The following POLH variants were observed in gnomAD, a reference collection of about 807,000 sequenced individuals.
POLH encodes the protein DNA polymerase eta transcript.
POLH carries 53 observed loss-of-function variants against 73.6 expected under a neutral mutation model. That is an observed-to-expected ratio of 0.72 (90% confidence interval 0.58 to 0.91). The LOEUF (loss-of-function observed/expected upper bound fraction) is 0.91. Among genes scored for constraint, POLH ranks in the 40% least tolerant of loss-of-function variants. POLH has a pLI of 0.00. For synonymous variants in POLH, 292 were observed against 308.5 expected (o/e 0.95, Z 0.56); for missense variants, 768 against 865.4 (o/e 0.89, Z 1.41).
chr6:43,583,354 T>G (rs1442547256), intron 3 of POLH, among the ~76,000 whole-genome samples: 1 of 152,234 alleles, frequency 6.6e-6, no homozygotes. Flanking sequence ...AGTTGCTGCC[T>G]TTGATATCTA....
intron 1 of POLH, among the ~76,000 whole-genome samples, chr6:43,577,610 C>T (rs762023860): frequency 6.6e-6 from 1 of 151,386 alleles, no homozygotes; most frequent in Non-Finnish European, 1.5e-5. Flanking sequence ...AGTTGTAAGA[C>T]GTTTTTTTTT....
intron 9 of POLH, among the ~76,000 whole-genome samples, chr6:43,609,772 T>C (rs1200817058): frequency 1.3e-5 from 2 of 152,190 alleles, no homozygotes; most frequent in African/African-American, 4.8e-5. Context: ...ATTACTTACC[T>C]GAAACCTTCC....
intron 4 of POLH, among the ~76,000 whole-genome samples, chr6:43,593,698 G>A (rs1044873860): frequency 2.0e-5 from 3 of 152,018 alleles, no homozygotes; most frequent in African/African-American, 7.2e-5. Flanking sequence ...TGGCCAACAT[G>A]GTGAGACCCT....
intron 9 of POLH, among the ~76,000 whole-genome samples, chr6:43,606,807 T>TTCAATATA (rs1767354826): frequency 6.6e-6 from 1 of 152,146 alleles, no homozygotes; most frequent in Non-Finnish European, 1.5e-5. Flanking sequence ...AATAATTCAG[T>TTCAATATA]GGTTTTAGTA....
chr6:43,618,242 G>A lies in POLH; in HGVS notation c.*3685G>A, dbSNP rs867865820. On this transcript the variant is annotated 3_prime_UTR_variant, in exon 11 of 11. Coordinates refer to ENST00000372236, the MANE Select transcript of POLH (RefSeq NM_006502.3). ...GCAATCTTGGCTCACTGCAACCTCC[G>A]TCTCTCGGGTTCAAGCAATTCTCCT... is the stretch of plus-strand genomic sequence containing the variant. Among the ~76,000 whole-genome samples the A allele has an allele frequency of 5.2e-4, 79 of 152,062 alleles. No homozygotes were observed. Among genetic ancestry groups the A allele is most frequent in the African/African-American group, 1.8e-3 (75 of 41,476 alleles).
At chr6:43,607,975 A>G (rs527386831) in intron 9 of POLH, among the ~76,000 whole-genome samples, 5 of 152,164 alleles carry the variant, frequency 3.3e-5, no homozygotes, top group Admixed American at 6.6e-5. Context: ...TACTAAAAAT[A>G]CAAAAATTAG....
chr6:43,579,649 C>CA (rs1362971363), intron 1 of POLH, among the ~76,000 whole-genome samples: 2 of 152,184 alleles, frequency 1.3e-5, no homozygotes, highest in African/African-American at 4.8e-5. Flanking sequence ...TATATCCAGT[C>CA]AGTTAGAAGC....
At position 43,615,634 on chromosome 6, in the gene POLH, G is replaced by C. The variant is rs953017782; in HGVS notation, c.*1077G>C. 5 of 151,142 alleles carry C rather than the reference G, an allele frequency of 3.3e-5. No homozygotes were observed. Among genetic ancestry groups the C allele is most frequent in the Non-Finnish European group, 7.4e-5 (5 of 67,798 alleles). The allele number at this position is 151,142 out of a possible 1,614,324, so 9.4% of individuals were successfully genotyped here. ...TTTAAAAAAGGGTTTTAAATGTAAT[G>C]AGACTTGCATAGTTAAAAAAAAAAA... On this transcript the variant is annotated 3_prime_UTR_variant, in exon 11 of 11. Coordinates refer to ENST00000372236, the MANE Select transcript of POLH (RefSeq NM_006502.3).
Position 43,610,653 on chromosome 6 carries a change from G to T in POLH, c.1174G>T (p.Ala392Ser). 6.2e-7 allele frequency: 1 copy of T among 1,613,742 alleles called. No homozygotes were observed. The highest frequency in any genetic ancestry group is 1.1e-5 in the South Asian group (1 of 91,066). ...RRCCALTRYDAHKMSHDAFTV... is the reference protein window; with the variant it reads ...RRCCALTRYDSHKMSHDAFTV... ...CTGCTGTGCCCTTACCCGCTATGAT[G>T]CTCACAAGATGAGCCATGATGCATT... The change falls in exon 10 of 11, where the codon GCT (alanine) becomes TCT (serine). Residue 392 changes from alanine to serine, a missense_variant. Ala to Ser is a moderately conservative substitution (Grantham distance 99). Coordinates refer to ENST00000372236, the MANE Select transcript of POLH (RefSeq NM_006502.3).
chr6:43,603,390 C>G (rs1582307235), intron 6 of POLH, among the ~76,000 whole-genome samples: 1 of 152,090 alleles, frequency 6.6e-6, no homozygotes, highest in African/African-American at 2.4e-5. Context: ...TTCTGCCTCC[C>G]AAGTGCTAGG....
intron 1 of POLH, among the ~76,000 whole-genome samples, chr6:43,577,855 C>A (rs1015054187): frequency 6.7e-6 from 1 of 148,200 alleles, no homozygotes; most frequent in Non-Finnish European, 1.5e-5. Flanking sequence ...GAGGCCGAGG[C>A]GGGCGGATCA....
rs1303965966 is a variant in POLH, at chr6:43,615,922, CG to C, written c.*1366del. Among the ~76,000 whole-genome samples the C allele has an allele frequency of 3.3e-5, 5 of 151,990 alleles. No homozygotes were observed. The highest frequency in any genetic ancestry group is 1.2e-4 in the African/African-American group (5 of 41,438). ...GCTTGACCTCATGATCCGCCTGCCT[CG>C]ACCTCCCAAAGTTGCTGGGATTACA... On this transcript the variant is annotated 3_prime_UTR_variant, in exon 11 of 11. Transcript: ENST00000372236.
intron 3 of POLH, among the ~76,000 whole-genome samples, chr6:43,585,637 C>CTTTTT (rs1208848737): frequency 2.0e-4 from 22 of 107,428 alleles, no homozygotes; most frequent in African/African-American, 4.9e-4. Context: ...TCTTTCTTTT[C>CTTTTT]TTTTTTTTTT....
At chr6:43,584,455 C>T (rs1361112163) in intron 3 of POLH, among the ~76,000 whole-genome samples, 1 of 152,166 alleles carries the variant, frequency 6.6e-6, no homozygotes, top group Non-Finnish European at 1.5e-5. Context: ...TGTGAGGAAG[C>T]ACTGAAATAG....
Position 43,619,986 on chromosome 6 carries a change from T to C in POLH, c.*5429T>C, listed in dbSNP as rs1768604072. The C allele has an allele frequency of 1.6e-5, 4 of 254,968 alleles. No individual in the cohort carries two copies. The highest frequency in any genetic ancestry group is 1.5e-4 in the South Asian group (4 of 26,862). 15.8% of individuals were successfully genotyped at this position (254,968 alleles called of 1,614,324 possible). A position where few individuals can be genotyped will look rare whatever the true frequency, so the allele number is the denominator to read the frequency against. ...TTTACAGTTGACTTTGGCCCCTATTTACCCATAAAATGTCAAAATCAAGTA... is the reference window on the plus strand; with the variant it reads ...TTTACAGTTGACTTTGGCCCCTATTCACCCATAAAATGTCAAAATCAAGTA... On this transcript the variant is annotated 3_prime_UTR_variant, in exon 11 of 11. Coordinates refer to ENST00000372236, the MANE Select transcript of POLH (RefSeq NM_006502.3).
intron 1 of POLH, among the ~76,000 whole-genome samples, chr6:43,581,970 T>C (rs1313516724): frequency 2.0e-5 from 3 of 152,190 alleles, no homozygotes; most frequent in Non-Finnish European, 4.4e-5. Flanking sequence ...ATCTGAAATT[T>C]GAAATCTTCC....
At chr6:43,588,016 G>A (rs1472113505) in intron 4 of POLH, among the ~76,000 whole-genome samples, 1 of 152,230 alleles carries the variant, frequency 6.6e-6, no homozygotes, top group Non-Finnish European at 1.5e-5. Flanking sequence ...CTAGGCTACA[G>A]AGGGAGACTC....
intron 3 of POLH, 65 bp downstream of exon 3, chr6:43,583,206 A>G (rs2127774098): frequency 5.5e-6 from 8 of 1,454,532 alleles, no homozygotes; most frequent in Non-Finnish European, 7.7e-6. Context: ...TGAGGCTAGG[A>G]ACTGGTGTTT....
chr6:43,595,856 T>A lies in POLH; in HGVS notation c.491-1840T>A, dbSNP rs190917393. ...TTGCATGTATTTTTCTTTTTTTTTTTAAATTACCTATTTTCCTGAAACACC... is the reference window on the plus strand; with the variant it reads ...TTGCATGTATTTTTCTTTTTTTTTTAAAATTACCTATTTTCCTGAAACACC... On this transcript the variant is annotated intron_variant, in intron 4 of 10. Transcript: ENST00000372236. 7.0e-4 allele frequency among the ~76,000 whole-genome samples: 106 copies of A among 151,982 alleles called. 1 individual carries two copies. Among genetic ancestry groups the A allele is most frequent in the Admixed American group, 3.3e-3 (51 of 15,248 alleles).
Sources: gnomAD v4.1 joint callset for allele counts (sites outside exome capture counted in the v4.1 genomes callset) on GRCh38, gnomAD v4.1.1 for gene constraint, MANE v1.5 for transcripts, NCBI Gene and HGNC (gene_info 2026-07-23, HGNC 2026-07-21) for gene names.